The following ERCC6L2 variants were observed in gnomAD, a reference collection of about 807,000 sequenced individuals.
The protein encoded by ERCC6L2 is ERCC excision repair 6 like 2, also known as DNA excision repair protein ERCC-6-like 2.
ERCC6L2 carries 77 observed loss-of-function variants against 132.0 expected under a neutral mutation model. The observed-to-expected ratio is 0.58, with a 90% confidence interval of 0.49 to 0.71. The LOEUF (loss-of-function observed/expected upper bound fraction) is 0.71, where lower values mean the gene tolerates loss of function less well. ERCC6L2 is among the 30% of genes least tolerant of loss of function. The probability of loss-of-function intolerance (pLI) is 0.00; values close to 1 mark genes in which losing one functional copy is unlikely to be tolerated. For missense variants in ERCC6L2, 1,542 were observed against 1,837.6 expected, an observed-to-expected ratio of 0.84 and a Z score of 2.94; for synonymous variants, 583 against 632.4, an observed-to-expected ratio of 0.92 and a Z score of 1.17.
intron 4 of ERCC6L2, among the ~76,000 whole-genome samples, chr9:95,907,863 A>ACACACACACACACACACACACC (rs1259450173): frequency 4.0e-5 from 6 of 150,134 alleles, no homozygotes; most frequent in African/African-American, 9.9e-5. Flanking sequence ...ACACCCCCAC[A>ACACACACACACACACACACACC]CCCACACACC....
chr9:96,030,289 G>A (rs1045949125), intron 19 of ERCC6L2, among the ~76,000 whole-genome samples: 7 of 152,092 alleles, frequency 4.6e-5, no homozygotes, highest in Non-Finnish European at 5.9e-5. Context: ...ATAAAAGCTG[G>A]CCACCCCACC....
At chr9:96,029,657 C>A (rs1039061727) in intron 19 of ERCC6L2, among the ~76,000 whole-genome samples, 1 of 152,222 alleles carries the variant, frequency 6.6e-6, no homozygotes. Context: ...GAATGATACA[C>A]CAAGTCGTCT....
chr9:95,972,081 A>C lies in ERCC6L2; in HGVS notation c.2330A>C (p.Asp777Ala). 7.7e-7 allele frequency: 1 copy of C among 1,304,262 alleles called. No individual in the cohort carries two copies. The highest frequency in any genetic ancestry group is 1.2e-5 in the South Asian group (1 of 81,022). 80.8% of individuals were successfully genotyped at this position (1,304,262 alleles called of 1,614,324 possible). The change falls in exon 16 of 19, where the codon GAT becomes GCT. Residue 777 changes from aspartate to alanine, a missense_variant. Asp to Ala is a moderately radical substitution (Grantham distance 126). Around this residue, in one of 4 missense-constraint regions of ERCC6L2, gnomAD observed 945 missense variants for 1,105.2 expected, o/e 0.86. Coordinates refer to ENST00000653738, the MANE Select transcript of ERCC6L2 (RefSeq NM_020207.7). ...GIKTAKNKAP[D>A]SSKASSSPGQ... The stretch of plus-strand genomic sequence containing the variant: ...AAGACTGCCAAAAACAAAGCACCCG[A>C]TTCAAGTAAAGCTTCCAGCTCTCCA...
At chr9:96,025,204 G>A (rs910373066) in intron 19 of ERCC6L2, among the ~76,000 whole-genome samples, 1 of 152,146 alleles carries the variant, frequency 6.6e-6, no homozygotes, top group African/African-American at 2.4e-5. Context: ...GCGTGGTGTC[G>A]AAGCTCAAGG....
intron 13 of ERCC6L2, among the ~76,000 whole-genome samples, chr9:95,964,426 C>G (rs148557398): frequency 2.7e-3 from 417 of 152,200 alleles, no homozygotes; most frequent in African/African-American, 9.8e-3. Context: ...TGTAATCCCC[C>G]AAACCACCTG....
chr9:95,913,349 C>T (rs1460387113), intron 4 of ERCC6L2, among the ~76,000 whole-genome samples: 1 of 152,088 alleles, frequency 6.6e-6, no homozygotes, highest in Non-Finnish European at 1.5e-5. Context: ...GGTGAATGCT[C>T]GATTCTTTTT....
chr9:95,928,222 C>T, intron 10 of ERCC6L2, 72 bp downstream of exon 10: 1 of 969,246 alleles, frequency 1.0e-6, no homozygotes, highest in Non-Finnish European at 1.6e-6. Context: ...AAGCATATGC[C>T]TACATGACAC....
intron 2 of ERCC6L2, among the ~76,000 whole-genome samples, chr9:95,892,788 G>T (rs962950075): frequency 6.6e-6 from 1 of 152,084 alleles, no homozygotes; most frequent in Admixed American, 6.6e-5. Context: ...CGTTATTAGG[G>T]TCACAAACCT....
intron 17 of ERCC6L2, among the ~76,000 whole-genome samples, chr9:96,004,075 TTTAA>T (rs1833780641): frequency 1.3e-5 from 2 of 152,360 alleles, no homozygotes; most frequent in Middle Eastern, 3.4e-3. Flanking sequence ...GATTTATTTA[TTTAA>T]TTATTACATA....
At chr9:96,034,808 G>C (rs898891034) in intron 19 of ERCC6L2, among the ~76,000 whole-genome samples, 1 of 151,960 alleles carries the variant, frequency 6.6e-6, no homozygotes, top group Non-Finnish European at 1.5e-5. Flanking sequence ...CTGTGGACCC[G>C]AGCCTCTCTG....
chr9:95,902,089 G>T (rs1209198104), intron 3 of ERCC6L2, among the ~76,000 whole-genome samples: 2 of 152,114 alleles, frequency 1.3e-5, no homozygotes, highest in Non-Finnish European at 2.9e-5. Flanking sequence ...TGGGTCTAAG[G>T]TATGTGTGTG....
At chr9:95,947,039 C>T (rs2132920485) in intron 12 of ERCC6L2, among the ~76,000 whole-genome samples, 1 of 152,206 alleles carries the variant, frequency 6.6e-6, no homozygotes, top group South Asian at 2.1e-4. Context: ...TCTGCAGTGG[C>T]CTTTAAGTGG....
At position 95,875,965 on chromosome 9, in the gene ERCC6L2, G is replaced by A. The variant is rs1246295254; in HGVS notation, c.-74G>A. ...GGCGTTGGCCGCCATTGGCCTGCCG[G>A]CCAGCCACCTTGCTGTCCTCCGCCG... On this transcript the variant is annotated 5_prime_UTR_variant, in exon 1 of 19. Transcript: ENST00000653738. 2 of 1,513,938 alleles carry A rather than the reference G, an allele frequency of 1.3e-6. No homozygotes were observed. Among genetic ancestry groups the A allele is most frequent in the East Asian group, 4.9e-5 (2 of 40,522 alleles). The allele number at this position is 1,513,938 out of a possible 1,614,324, so 93.8% of individuals were successfully genotyped here. A position where few individuals can be genotyped will look rare whatever the true frequency, so the allele number is the denominator to read the frequency against.
chr9:95,941,556 T>C lies in ERCC6L2; in HGVS notation c.1847+7T>C, dbSNP rs374166761. On this transcript the variant is annotated splice_region_variant and intron_variant, in intron 12 of 18. Transcript: ENST00000653738. Reference sequence around the variant, plus strand: ...ATCTTCAAGCCATTGACAGGTATAATACTGACAAAATTTAAAGTGATCTGC... The same window carrying C: ...ATCTTCAAGCCATTGACAGGTATAACACTGACAAAATTTAAAGTGATCTGC... 2 of 1,591,432 alleles carry C rather than the reference T, an allele frequency of 1.3e-6. No homozygotes were observed. Among genetic ancestry groups the C allele is most frequent in the African/African-American group, 2.7e-5 (2 of 74,472 alleles).
intron 1 of ERCC6L2, chr9:95,877,211 T>G (rs893760703): frequency 1.3e-5 from 2 of 152,218 alleles, no homozygotes. Context: ...TCTTAACAAT[T>G]TAAGCAGTTG....
chr9:95,877,263 C>G (rs1353499028), intron 1 of ERCC6L2, among the ~76,000 whole-genome samples: 1 of 151,872 alleles, frequency 6.6e-6, no homozygotes, highest in Admixed American at 6.6e-5. Flanking sequence ...TCTAACTCAA[C>G]TGAATTTATT....
At chr9:96,032,062 A>C (rs935255113) in intron 19 of ERCC6L2, among the ~76,000 whole-genome samples, 1 of 152,220 alleles carries the variant, frequency 6.6e-6, no homozygotes, top group Admixed American at 6.5e-5. Context: ...CCATCAGCAG[A>C]GAGCGGGGGC....
intron 19 of ERCC6L2, among the ~76,000 whole-genome samples, chr9:96,025,331 C>T (rs111764801): frequency 1.3e-5 from 2 of 152,182 alleles, no homozygotes; most frequent in African/African-American, 2.4e-5. Flanking sequence ...AGGTCCAGCT[C>T]GCCTGGTGCT....
At chr9:95,999,753 T>C (rs916239507) in intron 17 of ERCC6L2, among the ~76,000 whole-genome samples, 1 of 152,126 alleles carries the variant, frequency 6.6e-6, no homozygotes, top group Non-Finnish European at 1.5e-5. Context: ...ATTATTTTCT[T>C]GGGGGTATAA....
Sources: allele counts gnomAD v4.1 joint callset (sites outside exome capture counted in the v4.1 genomes callset), GRCh38; gene constraint gnomAD v4.1.1; regional missense constraint gnomAD v4.1.1; transcripts MANE v1.5; gene names NCBI Gene and HGNC (gene_info 2026-07-23, HGNC 2026-07-21).